The following CACNA1C variants were observed in gnomAD, a reference collection of about 807,000 sequenced individuals.
CACNA1C encodes calcium voltage-gated channel subunit alpha1 C.
CACNA1C carries 30 observed loss-of-function variants against 229.0 expected under a neutral mutation model. That is an observed-to-expected ratio of 0.13 (90% CI 0.10 to 0.18). CACNA1C has a LOEUF of 0.18. Among genes scored for constraint, CACNA1C ranks in the 10% least tolerant of loss-of-function variants. The probability of loss-of-function intolerance (pLI) is 1.00; values close to 1 mark genes in which losing one functional copy is unlikely to be tolerated. For missense variants in CACNA1C, 1,658 were observed against 2,845.0 expected (o/e 0.58, Z 9.49); for synonymous variants, 1,114 against 1,132.5 (o/e 0.98, Z 0.33).
In CACNA1C at chr12:2,467,054, G is replaced by T. The variant is rs922398609; in HGVS notation, c.757+9348G>T. On this transcript the variant is annotated intron_variant, in intron 5 of 46. Transcript: ENST00000399655. This position sits in a 1 kb window ranked among gnomAD's most constrained non-coding sequence, Gnocchi z 4.6. ...TACAAAGCTACTTATGAGGACAGGGGCATGTGCAGGGGGCCACCCCTGAGG... is the reference window on the plus strand; with the variant it reads ...TACAAAGCTACTTATGAGGACAGGGTCATGTGCAGGGGGCCACCCCTGAGG... Among the ~76,000 whole-genome samples the T allele has an allele frequency of 3.9e-5, 6 of 152,172 alleles. No individual in the cohort carries two copies. Among genetic ancestry groups the T allele is most frequent in the African/African-American group, 1.4e-4 (6 of 41,434 alleles).
chr12:2,506,027 C>T (rs2099771034), intron 8 of CACNA1C, among the ~76,000 whole-genome samples: 1 of 152,190 alleles, frequency 6.6e-6, no homozygotes. Flanking sequence ...CCTACAGCTG[C>T]CCTAATGCAG....
At chr12:2,560,160 C>T (rs1247864763) in intron 11 of CACNA1C, among the ~76,000 whole-genome samples, 1 of 152,186 alleles carries the variant, frequency 6.6e-6, no homozygotes, top group Non-Finnish European at 1.5e-5. Context: ...AGGTATCACA[C>T]AGCAGCCGTC....
At chr12:2,198,884 A>G (rs547692308) in intron 3 of CACNA1C, among the ~76,000 whole-genome samples, 4 of 152,206 alleles carry the variant, frequency 2.6e-5, no homozygotes, top group Middle Eastern at 3.4e-3. Flanking sequence ...ATTTTTCTTA[A>G]TCATATGTTA....
intron 3 of CACNA1C, among the ~76,000 whole-genome samples, chr12:2,366,790 T>C (rs575680128): frequency 5.3e-5 from 8 of 152,232 alleles, no homozygotes; most frequent in East Asian, 1.9e-4. Context: ...CCACAGGCTG[T>C]ACAGGAAGCA....
chr12:2,207,326 T>A (rs1187961850), intron 3 of CACNA1C, among the ~76,000 whole-genome samples: 1 of 152,238 alleles, frequency 6.6e-6, no homozygotes, highest in Non-Finnish European at 1.5e-5. Flanking sequence ...GACGGGCTTC[T>A]GCACATTAAG....
rs2098706352 is a variant in CACNA1C at position 2,403,863 on chromosome 12, C to G, written c.478-45113C>G. On this transcript the variant is annotated intron_variant, in intron 3 of 46. Transcript: ENST00000399655. The surrounding 1 kb of genome is among the most constrained non-coding windows in gnomAD (Gnocchi z 4.1). ...GGTGTCCGTGGACCACAGCTCTGCT[C>G]TGGGGCCCCAGGGACTTTCTCAGAG... Among the ~76,000 whole-genome samples the G allele has an allele frequency of 6.6e-6, 1 of 152,174 alleles. No homozygotes were observed. The highest frequency in any genetic ancestry group is 2.4e-5 in the African/African-American group (1 of 41,440).
Position 2,599,892 on chromosome 12 carries a change from C to T in CACNA1C, c.2854-1962C>T, listed in dbSNP as rs116665835. Among the ~76,000 whole-genome samples the T allele has an allele frequency of 6.8e-3, 1,033 of 152,272 alleles. 18 individuals are homozygous for T. The highest frequency in any genetic ancestry group is 0.023 in the African/African-American group (959 of 41,540). On this transcript the variant is annotated intron_variant, in intron 21 of 46. Coordinates refer to ENST00000399655, the MANE Select transcript of CACNA1C (RefSeq NM_000719.7). ...GCCCTGCCTGGATGCATGTTCCCAC[C>T]GCCCCCACATGCACACACATGCACT...
At chr12:2,667,951 C>T (rs1301470173) in intron 37 of CACNA1C, among the ~76,000 whole-genome samples, 1 of 152,224 alleles carries the variant, frequency 6.6e-6, no homozygotes, top group East Asian at 1.9e-4. Flanking sequence ...GGCCCCACAC[C>T]AGAGCTCCGT....
Position 2,457,611 on chromosome 12 carries a change from C to G in CACNA1C, c.662C>G (p.Ala221Gly), listed in dbSNP as rs2099443661. 6.2e-7 allele frequency: 1 copy of G among 1,613,216 alleles called. No individual in the cohort carries two copies. The highest frequency in any genetic ancestry group is 8.5e-7 in the Non-Finnish European group (1 of 1,179,560). The change falls in exon 5 of 47, where the codon GCA becomes GGA. Residue 221 changes from alanine to glycine, a missense_variant. By Grantham distance (60) the Ala-to-Gly change is moderately conservative. Around this residue, in one of 20 missense-constraint regions of CACNA1C, gnomAD observed 89 missense variants for 177.8 expected, o/e 0.50. Coordinates refer to ENST00000399655, the MANE Select transcript of CACNA1C (RefSeq NM_000719.7). The part of the protein sequence containing the change: ...ILEQATKADG[A>G]NALGGKGAGF... ...GAACAAGCAACCAAAGCAGATGGGG[C>G]AAACGCTCTCGGAGGGAAAGGGGCC...
At chr12:2,241,528 C>A (rs963636147) in intron 3 of CACNA1C, among the ~76,000 whole-genome samples, 1 of 152,116 alleles carries the variant, frequency 6.6e-6, no homozygotes, top group Non-Finnish European at 1.5e-5. Context: ...GCAGGACCAG[C>A]TATGTGTATT....
intron 3 of CACNA1C, among the ~76,000 whole-genome samples, chr12:2,207,398 A>G (rs2097783107): frequency 6.6e-6 from 1 of 152,254 alleles, no homozygotes; most frequent in Admixed American, 6.5e-5. Context: ...CTACTATATA[A>G]TAGACATTAT....
chr12:2,177,634 C>CTCTTTCTTTCTTTCTTTCTTTCTT (rs755417751), intron 3 of CACNA1C, among the ~76,000 whole-genome samples: 26 of 112,966 alleles, frequency 2.3e-4, no homozygotes, highest in African/African-American at 7.8e-4. Context: ...CCTTCTCTCT[C>CTCTTTCTTTCTTTCTTTCTTTCTT]TCTTTCTTTC....
At position 2,145,701 on chromosome 12, in the gene CACNA1C, A is replaced by G. The variant is rs191487761; in HGVS notation, c.477+25271A>G. On this transcript the variant is annotated intron_variant, in intron 3 of 46. Coordinates refer to ENST00000399655, the MANE Select transcript of CACNA1C (RefSeq NM_000719.7). ...GGCTTGTGAGGAAAACGCTAGATTA[A>G]ATCTTGATTACTGTAAATGTCAAGT... Among the ~76,000 whole-genome samples the G allele has an allele frequency of 5.3e-4, 80 of 151,452 alleles. 2 individuals carry two copies. The highest frequency in any genetic ancestry group is 8.6e-4 in the Admixed American group (13 of 15,076).
At chr12:2,111,524 G>C (rs1596165126) in intron 1 of CACNA1C, among the ~76,000 whole-genome samples, 2 of 151,792 alleles carry the variant, frequency 1.3e-5, no homozygotes, top group East Asian at 2.0e-4. Flanking sequence ...GGGCAATGCA[G>C]GGGGGTGAGT....
intron 3 of CACNA1C, among the ~76,000 whole-genome samples, chr12:2,408,825 T>C (rs1162109072): frequency 1.3e-5 from 2 of 152,210 alleles, no homozygotes; most frequent in East Asian, 3.8e-4. Flanking sequence ...CTGAAAAATA[T>C]ATTTCATTTT....
At chr12:2,445,829 C>T (rs2099271898) in intron 3 of CACNA1C, among the ~76,000 whole-genome samples, 1 of 152,158 alleles carries the variant, frequency 6.6e-6, no homozygotes, top group South Asian at 2.1e-4. Flanking sequence ...GCCAGTTTCC[C>T]AGCATATAGG....
chr12:2,268,355 A>G (rs2083264427), intron 3 of CACNA1C, among the ~76,000 whole-genome samples: 1 of 152,212 alleles, frequency 6.6e-6, no homozygotes, highest in Non-Finnish European at 1.5e-5. Flanking sequence ...TTTGAACCAC[A>G]CGGGGCTCTG....
At chr12:2,414,535 A>G (rs1359828086) in intron 3 of CACNA1C, among the ~76,000 whole-genome samples, 1 of 152,154 alleles carries the variant, frequency 6.6e-6, no homozygotes, top group Non-Finnish European at 1.5e-5. Context: ...TGCCTGCGTC[A>G]GGCTTCCCAC....
At chr12:2,124,541 C>T (rs537301307) in intron 3 of CACNA1C, among the ~76,000 whole-genome samples, 10 of 152,198 alleles carry the variant, frequency 6.6e-5, no homozygotes, top group Admixed American at 5.2e-4. Flanking sequence ...GGAGGAGGCT[C>T]GAAGGCTTTA....
Sources: gnomAD v4.1 joint callset for allele counts (sites outside exome capture counted in the v4.1 genomes callset) on GRCh38, gnomAD v4.1.1 for gene constraint, gnomAD v4.1.1 regional missense constraint, Gnocchi (gnomAD v3.1) non-coding constraint, MANE v1.5 for transcripts, NCBI Gene and HGNC (gene_info 2026-07-23, HGNC 2026-07-21) for gene names.